INTS6: variants seen among roughly 807,000 people sequenced by gnomAD.
INTS6 encodes integrator complex subunit 6.
A neutral mutation model predicts 104.9 loss-of-function variants in INTS6; 16 were observed. The observed-to-expected ratio is 0.15, with a 90% CI of 0.10 to 0.23. The LOEUF (loss-of-function observed/expected upper bound fraction) is 0.23. Among genes scored for constraint, INTS6 ranks in the 10% least tolerant of loss-of-function variants. The pLI is 1.00. For missense variants in INTS6, 584 were observed against 1,062.8 expected, an observed-to-expected ratio of 0.55 and a Z score of 6.26; for synonymous variants, 324 against 358.7, an observed-to-expected ratio of 0.90 and a Z score of 1.09.
intron 2 of INTS6, 168 bp from the exon 3 acceptor site, chr13:51,451,342 C>T: frequency 2.3e-6 from 1 of 430,886 alleles, no homozygotes; most frequent in East Asian, 3.6e-5. Flanking sequence ...AAAGGTGGCC[C>T]AGGAATAACC....
intron 12 of INTS6, among the ~76,000 whole-genome samples, chr13:51,376,656 G>A (rs1172656378): frequency 8.6e-5 from 13 of 151,998 alleles, no homozygotes; most frequent in Admixed American, 7.9e-4. Context: ...CTATCCCCAG[G>A]CAACCACGTG....
chr13:51,434,028 G>A (rs1957143222), intron 3 of INTS6, among the ~76,000 whole-genome samples: 1 of 152,180 alleles, frequency 6.6e-6, no homozygotes, highest in South Asian at 2.1e-4. Context: ...TGGTCTTTCT[G>A]TACCACCTGG....
chr13:51,384,634 A>T (rs1956107141), intron 7 of INTS6: 2 of 456,440 alleles, frequency 4.4e-6, no homozygotes. Flanking sequence ...CAAGCTACAA[A>T]ACCTGTTCTA....
intron 4 of INTS6, among the ~76,000 whole-genome samples, chr13:51,418,871 T>C (rs897427008): frequency 1.3e-5 from 2 of 152,192 alleles, no homozygotes; most frequent in African/African-American, 4.8e-5. Flanking sequence ...CGAGTTTTAG[T>C]AAATTTACAG....
rs768961968 is a variant in INTS6, at chr13:51,369,323, A to G, written c.2105-13T>C. The G allele has an allele frequency of 1.9e-6, 3 of 1,586,464 alleles. No individual in the cohort carries two copies. Among genetic ancestry groups the G allele is most frequent in the South Asian group, 2.3e-5 (2 of 87,802 alleles). On this transcript the variant is annotated splice_polypyrimidine_tract_variant and intron_variant, in intron 15 of 17. Transcript: ENST00000311234. Reference sequence around the variant, plus strand: ...GTGGTTTCTGAAACTAAAAACAAAGATACGGGGAAAAAATTATGGGATCCA... The same window carrying G: ...GTGGTTTCTGAAACTAAAAACAAAGGTACGGGGAAAAAATTATGGGATCCA...
the INTS6 span, chr13:51,347,267 G>A: frequency 1.3e-6 from 2 of 1,594,462 alleles, no homozygotes; most frequent in South Asian, 2.2e-5. Context: ...TGTCTAAAGG[G>A]AGAGGAAGCC....
chr13:51,383,380 C>T lies in INTS6; in HGVS notation c.1129G>A (p.Val377Ile). ...TTGTAAGGCATCACAAATAAGTTGA[C>T]ACAGTTCAGTGCTGTACTGGCTTTC... ...YLKASTALNC[V>I]NLFVMPYNYP... The change falls in exon 9 of 18, where the codon GTC becomes ATC. Residue 377 changes from valine to isoleucine, a missense_variant. Physicochemically the swap from Val to Ile is conservative, Grantham distance 29 (BLOSUM62 3). Coordinates refer to ENST00000311234, the MANE Select transcript of INTS6 (RefSeq NM_012141.3). 1 of 1,613,644 alleles carries T rather than the reference C, an allele frequency of 6.2e-7. No homozygotes were observed.
chr13:51,426,929 G>C (rs1457482780), intron 4 of INTS6, among the ~76,000 whole-genome samples: 1 of 152,028 alleles, frequency 6.6e-6, no homozygotes, highest in Non-Finnish European at 1.5e-5. Flanking sequence ...TCTAGATTTT[G>C]GCAGTAACAA....
intron 3 of INTS6, chr13:51,446,167 A>C (rs1952912899): frequency 6.6e-6 from 1 of 152,240 alleles, no homozygotes; most frequent in Non-Finnish European, 1.5e-5. Context: ...CAAATCATTT[A>C]TCTGATAAGG....
chr13:51,392,926 A>C (rs573870836), intron 5 of INTS6, among the ~76,000 whole-genome samples: 1 of 152,292 alleles, frequency 6.6e-6, no homozygotes, highest in South Asian at 2.1e-4. Flanking sequence ...TACAATGACT[A>C]CAATTATGCA....
At chr13:51,434,361 A>G (rs1382404700) in intron 3 of INTS6, among the ~76,000 whole-genome samples, 2 of 152,196 alleles carry the variant, frequency 1.3e-5, no homozygotes, top group Non-Finnish European at 2.9e-5. Flanking sequence ...ATACACAAAC[A>G]CAAGATAAAA....
At chr13:51,417,820 G>C (rs1251454269) in intron 4 of INTS6, among the ~76,000 whole-genome samples, 2 of 152,136 alleles carry the variant, frequency 1.3e-5, no homozygotes, top group Admixed American at 6.5e-5. Context: ...GACTATAAAT[G>C]TATGTGTTTT....
intron 7 of INTS6, among the ~76,000 whole-genome samples, chr13:51,386,900 T>C (rs1402844178): frequency 6.6e-6 from 1 of 152,294 alleles, no homozygotes; most frequent in East Asian, 1.9e-4. Context: ...TCATTTTTCC[T>C]AAAAATAATT....
At chr13:51,434,469 C>A (rs904664286) in intron 3 of INTS6, among the ~76,000 whole-genome samples, 9 of 151,894 alleles carry the variant, frequency 5.9e-5, no homozygotes, top group Non-Finnish European at 1.3e-4. Context: ...CTCATTGTAC[C>A]AATTATCCCG....
At chr13:51,390,580 C>G (rs988980204) in intron 5 of INTS6, among the ~76,000 whole-genome samples, 2 of 152,020 alleles carry the variant, frequency 1.3e-5, no homozygotes, top group Non-Finnish European at 2.9e-5. Context: ...ATGCCCTACT[C>G]TTTTACACAT....
chr13:51,337,483 C>T, the INTS6 span, among the ~76,000 whole-genome samples: 3 of 152,188 alleles, frequency 2.0e-5, no homozygotes, highest in Non-Finnish European at 4.4e-5. Flanking sequence ...ACAGTCTGGG[C>T]TGGCCATCGA....
intron 3 of INTS6, among the ~76,000 whole-genome samples, chr13:51,430,983 T>G (rs1957080333): frequency 6.6e-6 from 1 of 152,098 alleles, no homozygotes; most frequent in Non-Finnish European, 1.5e-5. Flanking sequence ...AGAAAATGCT[T>G]GGAGAGAAAA....
At chr13:51,342,345 C>T in the INTS6 span, among the ~76,000 whole-genome samples, 1 of 152,116 alleles carries the variant, frequency 6.6e-6, no homozygotes, top group African/African-American at 2.4e-5. Flanking sequence ...ACACTGAGCA[C>T]CTTTGTTAAT....
At chr13:51,376,824 T>G (rs960439727) in intron 12 of INTS6, among the ~76,000 whole-genome samples, 7 of 152,200 alleles carry the variant, frequency 4.6e-5, no homozygotes, top group African/African-American at 1.7e-4. Context: ...AGTAGTCTAT[T>G]ATATGGACAC....
Sources: allele counts gnomAD v4.1 joint callset (sites outside exome capture counted in the v4.1 genomes callset), GRCh38; gene constraint gnomAD v4.1.1; transcripts MANE v1.5; gene names NCBI Gene and HGNC (gene_info 2026-07-23, HGNC 2026-07-21).